ZNF831: variants seen among roughly 807,000 people sequenced by gnomAD.
ZNF831 encodes zinc finger protein 831, also known as chromosome 20 open reading frame 174.
A neutral mutation model predicts 95.8 loss-of-function variants in ZNF831; 59 were observed. The observed-to-expected ratio is 0.62, with a 90% confidence interval of 0.50 to 0.77. The LOEUF is 0.77. ZNF831 is among the 30% of genes least tolerant of loss of function. ZNF831 has a pLI of 0.00. For synonymous variants in ZNF831, 961 were observed against 925.5 expected, an observed-to-expected ratio of 1.04 and a Z score of -0.70; for missense variants, 2,205 against 2,164.0, an observed-to-expected ratio of 1.02 and a Z score of -0.38.
chr20:59,147,164 C>T (rs1979914160), intron 2 of ZNF831: 1 of 152,242 alleles, frequency 6.6e-6, no homozygotes, highest in Non-Finnish European at 1.5e-5. Context: ...ATGTAATGTA[C>T]ATGTAGAAGA....
chr20:59,191,395 C>T lies in ZNF831; in HGVS notation c.376C>T (p.Pro126Ser), dbSNP rs746322551. The part of the protein sequence containing the change: ...NIVGTLPVLS[P>S]GLGPTLGSPG... Reference sequence around the variant, plus strand: ...CGTGGGCACTCTGCCTGTCCTGTCGCCGGGCCTGGGCCCCACGCTGGGCAG... The same window carrying T: ...CGTGGGCACTCTGCCTGTCCTGTCGTCGGGCCTGGGCCCCACGCTGGGCAG... Residue 126 changes from proline (P) to serine (S), a missense_variant, in exon 2 of 6, where the codon CCG (proline) becomes TCG (serine). Physicochemically the swap from Pro to Ser is moderately conservative, Grantham distance 74. Coordinates refer to ENST00000371030, the MANE Select transcript of ZNF831 (RefSeq NM_178457.3). The T allele has an allele frequency of 1.2e-6, 2 of 1,610,030 alleles. No homozygotes were observed. Among genetic ancestry groups the T allele is most frequent in the South Asian group, 1.1e-5 (1 of 90,734 alleles).
rs192274052 is a variant in ZNF831 at position 59,141,596 on chromosome 20, T to C, written c.-1424-4635T>C. On this transcript the variant is annotated intron_variant, in intron 1 of 7. Coordinates refer to the ZNF831 transcript ENST00000637017. ...ATTTAGGTGTTTTTCTCCATTACCA[T>C]GGCCCTCTCTGGATTACTGTTGCCA... Among the ~76,000 whole-genome samples the C allele has an allele frequency of 1.5e-3, 227 of 152,362 alleles. 1 individual carries two copies. The Middle Eastern group carries it at 0.02, about 14-fold the overall frequency.
chr20:59,236,448 T>G (rs1987003211), intron 4 of ZNF831, among the ~76,000 whole-genome samples: 1 of 152,106 alleles, frequency 6.6e-6, no homozygotes, highest in Non-Finnish European at 1.5e-5. Flanking sequence ...CTTTTATCCT[T>G]TTTTTGTTTT....
chr20:59,253,379 A>G (rs577631620), intron 5 of ZNF831, among the ~76,000 whole-genome samples: 3 of 152,152 alleles, frequency 2.0e-5, no homozygotes, highest in Non-Finnish European at 4.4e-5. Context: ...AACCCCAAGT[A>G]TGTTATTACT....
At chr20:59,171,788 A>G (rs1193861333) in intron 1 of ZNF831, among the ~76,000 whole-genome samples, 1 of 152,212 alleles carries the variant, frequency 6.6e-6, no homozygotes, top group African/African-American at 2.4e-5. Context: ...TATATAATTG[A>G]TCATGAAGTT....
At chr20:59,137,741 T>C (rs976441014) in intron 1 of ZNF831, among the ~76,000 whole-genome samples, 1 of 152,216 alleles carries the variant, frequency 6.6e-6, no homozygotes, top group African/African-American at 2.4e-5. Context: ...CAACCAGCAC[T>C]GGGTGGAGGG....
chr20:59,135,414 C>T (rs1344180996), intron 1 of ZNF831, among the ~76,000 whole-genome samples: 1 of 151,918 alleles, frequency 6.6e-6, no homozygotes, highest in Non-Finnish European at 1.5e-5. Flanking sequence ...AGTAAGCCTC[C>T]ATCTCTACAC....
At chr20:59,243,289 A>G (rs750759019) in intron 4 of ZNF831, among the ~76,000 whole-genome samples, 12 of 152,222 alleles carry the variant, frequency 7.9e-5, no homozygotes, top group Non-Finnish European at 1.5e-4. Flanking sequence ...GCTGCCTTTC[A>G]TTGAAAAAAT....
chr20:59,195,343 G>C (rs565837817), intron 2 of ZNF831, among the ~76,000 whole-genome samples: 1 of 152,232 alleles, frequency 6.6e-6, no homozygotes, highest in Non-Finnish European at 1.5e-5. Flanking sequence ...TGATGACTGA[G>C]GGCTTAGTCC....
chr20:59,230,494 A>ATAAC (rs1224687779), intron 4 of ZNF831, among the ~76,000 whole-genome samples: 1 of 152,098 alleles, frequency 6.6e-6, no homozygotes, highest in African/African-American at 2.4e-5. Context: ...AAATAAATAA[A>ATAAC]TAAATAAATA....
chr20:59,180,559 G>A (rs902634060), intron 1 of ZNF831, among the ~76,000 whole-genome samples: 18 of 151,824 alleles, frequency 1.2e-4, no homozygotes, highest in Non-Finnish European at 2.5e-4. Context: ...GGTGTGTGAT[G>A]TTCCCCTCCC....
intron 2 of ZNF831, 164 bp from the exon 3 acceptor site, chr20:59,195,705 G>A (rs1034889436): frequency 5.5e-5 from 51 of 932,548 alleles, no homozygotes; most frequent in Non-Finnish European, 6.3e-5. Flanking sequence ...ACGCTCTGCC[G>A]TTGCCTGGTT....
intron 3 of ZNF831, among the ~76,000 whole-genome samples, chr20:59,206,253 C>G (rs1460925843): frequency 6.6e-6 from 1 of 151,564 alleles, no homozygotes; most frequent in Non-Finnish European, 1.5e-5. Context: ...CTTTCTCTAC[C>G]CTCATCACAT....
chr20:59,234,727 C>T (rs1986906707), intron 4 of ZNF831, among the ~76,000 whole-genome samples: 1 of 152,150 alleles, frequency 6.6e-6, no homozygotes, highest in African/African-American at 2.4e-5. Context: ...TTTCATGATC[C>T]TTTGAAGAGC....
In ZNF831 at chr20:59,191,117, C is replaced by G. The variant is rs777296114; in HGVS notation, c.98C>G (p.Pro33Arg). The G allele has an allele frequency of 1.3e-6, 2 of 1,594,910 alleles. No individual in the cohort carries two copies. The highest frequency in any genetic ancestry group is 3.4e-5 in the Admixed American group (2 of 58,490). Residue 33 changes from proline (P) to arginine (R), a missense_variant, in exon 2 of 6, where the codon CCT becomes CGT. Coordinates refer to ENST00000371030, the MANE Select transcript of ZNF831 (RefSeq NM_178457.3). ...GGGGCCCCAGGTGGCCAGGCCTCAC[C>G]TCACCTGACCCTGGGCCCTGTCCTT... The part of the protein sequence containing the change: ...PPGAPGGQAS[P>R]HLTLGPVLLP...
At chr20:59,198,662 T>C (rs1984299241) in intron 3 of ZNF831, among the ~76,000 whole-genome samples, 1 of 152,244 alleles carries the variant, frequency 6.6e-6, no homozygotes, top group African/African-American at 2.4e-5. Context: ...GGGAGGAGTC[T>C]GAACAAGGAC....
intron 1 of ZNF831, among the ~76,000 whole-genome samples, chr20:59,134,432 G>A (rs992440601): frequency 6.6e-6 from 1 of 152,230 alleles, no homozygotes; most frequent in Non-Finnish European, 1.5e-5. Flanking sequence ...GAGGAACAAG[G>A]AGACTGAAGG....
chr20:59,243,985 C>G (rs1168654845), intron 4 of ZNF831, among the ~76,000 whole-genome samples: 1 of 152,004 alleles, frequency 6.6e-6, no homozygotes, highest in Non-Finnish European at 1.5e-5. Context: ...CACAATTTAT[C>G]CTCTCTTTAT....
At chr20:59,248,862 A>T (rs1422824612) in intron 4 of ZNF831, among the ~76,000 whole-genome samples, 1 of 152,032 alleles carries the variant, frequency 6.6e-6, no homozygotes, top group Non-Finnish European at 1.5e-5. Flanking sequence ...AAGCCATCTC[A>T]TCTGGCCCCT....
Sources: allele counts gnomAD v4.1 joint callset (sites outside exome capture counted in the v4.1 genomes callset), GRCh38; gene constraint gnomAD v4.1.1; transcripts MANE v1.5; gene names NCBI Gene and HGNC (gene_info 2026-07-23, HGNC 2026-07-21).